DAB1: variants seen among roughly 807,000 people sequenced by gnomAD.
The protein encoded by DAB1 is DAB adaptor protein 1, also known as disabled homolog 1.
A neutral mutation model predicts 64.6 loss-of-function variants in DAB1; 15 were observed. That is an observed-to-expected ratio of 0.23 (90% confidence interval 0.16 to 0.36). The LOEUF (loss-of-function observed/expected upper bound fraction) is 0.36. DAB1 is among the 10% of genes least tolerant of loss of function. DAB1 has a pLI of 1.00. For missense variants in DAB1, 596 were observed against 706.7 expected (o/e 0.84, Z 1.78); for synonymous variants, 235 against 251.9 (o/e 0.93, Z 0.64).
intron 6 of DAB1, among the ~76,000 whole-genome samples, chr1:57,805,409 C>T (rs1327664420): frequency 6.6e-6 from 1 of 152,098 alleles, no homozygotes; most frequent in African/African-American, 2.4e-5. Flanking sequence ...TATATGAATC[C>T]CTCACATTTG....
At chr1:58,240,282 T>G (rs1402309137) in intron 4 of DAB1, among the ~76,000 whole-genome samples, 1 of 152,204 alleles carries the variant, frequency 6.6e-6, no homozygotes, top group East Asian at 1.9e-4. Context: ...AAAATAAAAT[T>G]ACAGGTGCAA....
intron 4 of DAB1, among the ~76,000 whole-genome samples, chr1:58,200,438 T>C (rs763546048): frequency 1.0e-4 from 15 of 148,638 alleles, no homozygotes; most frequent in Non-Finnish European, 2.2e-4. Context: ...GTTTAGCTAG[T>C]TTTTTGCCTT....
intron 7 of DAB1, among the ~76,000 whole-genome samples, chr1:57,443,184 C>T (rs1456849442): frequency 1.3e-5 from 2 of 152,322 alleles, no homozygotes; most frequent in East Asian, 3.9e-4. Context: ...CTTACTCCAT[C>T]AATCACAATG....
chr1:58,219,972 C>T (rs1659072200), intron 4 of DAB1, among the ~76,000 whole-genome samples: 1 of 152,220 alleles, frequency 6.6e-6, no homozygotes, highest in South Asian at 2.1e-4. Context: ...ATAAATGATC[C>T]TCAGTTTCCT....
chr1:58,341,291 C>T (rs1051438977), intron 4 of DAB1, among the ~76,000 whole-genome samples: 1 of 152,128 alleles, frequency 6.6e-6, no homozygotes, highest in South Asian at 2.1e-4. Context: ...TGCTCTGAAG[C>T]CGTAACAGGA....
intron 2 of DAB1, among the ~76,000 whole-genome samples, chr1:57,162,303 T>C (rs915499773): frequency 6.6e-6 from 1 of 152,156 alleles, no homozygotes; most frequent in African/African-American, 2.4e-5. Context: ...TTTGTATAAT[T>C]TGGATTACAA....
intron 4 of DAB1, among the ~76,000 whole-genome samples, chr1:58,245,409 T>G (rs1660484227): frequency 1.3e-5 from 2 of 152,202 alleles, no homozygotes; most frequent in South Asian, 4.2e-4. Context: ...TGTGCCTCTG[T>G]TTTTCATCTG....
chr1:57,836,142 T>A (rs1053521875), intron 1 of DAB1, among the ~76,000 whole-genome samples: 2 of 152,216 alleles, frequency 1.3e-5, no homozygotes, highest in African/African-American at 4.8e-5. Context: ...CTACTGCACT[T>A]GATGTCTAAT....
downstream of DAB1, among the ~76,000 whole-genome samples, chr1:57,825,617 G>A (rs1381930919): frequency 6.6e-6 from 1 of 152,234 alleles, no homozygotes; most frequent in African/African-American, 2.4e-5. Context: ...AGACTGGACA[G>A]ACCCTTTATT....
chr1:58,165,297 C>T (rs1035805836), intron 4 of DAB1, among the ~76,000 whole-genome samples: 1 of 152,166 alleles, frequency 6.6e-6, no homozygotes, highest in Non-Finnish European at 1.5e-5. Context: ...GTGCCTGGCC[C>T]GGAGGGATGT....
intron 6 of DAB1, among the ~76,000 whole-genome samples, chr1:57,704,048 TGAGAGGAGG>T (rs1167063507): frequency 6.6e-6 from 1 of 151,562 alleles, no homozygotes; most frequent in African/African-American, 2.4e-5. Context: ...GGGTGGAGGG[TGAGAGGAGG>T]GAGAGGATCA....
At chr1:57,795,690 G>GATTATATATAT (rs1270547155) in intron 6 of DAB1, among the ~76,000 whole-genome samples, 6 of 69,098 alleles carry the variant, frequency 8.7e-5, no homozygotes, top group African/African-American at 3.3e-4. Flanking sequence ...TATGCTTGGA[G>GATTATATATAT]ATATATATAT....
chr1:57,678,528 C>A (rs1199297806), intron 6 of DAB1, among the ~76,000 whole-genome samples: 1 of 152,052 alleles, frequency 6.6e-6, no homozygotes, highest in Non-Finnish European at 1.5e-5. Flanking sequence ...CACTTAACAT[C>A]ATAAAGGCTA....
At chr1:57,722,649 T>C (rs1011661921) in intron 6 of DAB1, among the ~76,000 whole-genome samples, 2 of 152,192 alleles carry the variant, frequency 1.3e-5, no homozygotes, top group African/African-American at 2.4e-5. Flanking sequence ...TAATACATAA[T>C]ATCTTTGCAT....
chr1:57,399,021 C>A (rs955624737), intron 1 of DAB1, among the ~76,000 whole-genome samples: 1 of 152,214 alleles, frequency 6.6e-6, no homozygotes, highest in Non-Finnish European at 1.5e-5. Flanking sequence ...CTTTTCACAG[C>A]TCTTCCTTCC....
intron 5 of DAB1, chr1:58,056,030 G>A (rs1342960829): frequency 6.2e-6 from 5 of 809,622 alleles, no homozygotes; most frequent in Non-Finnish European, 8.2e-6. Context: ...GAGCCACCGT[G>A]CCTGGCCTCA....
chr1:57,672,376 C>A (rs544393603), intron 6 of DAB1, among the ~76,000 whole-genome samples: 10 of 152,134 alleles, frequency 6.6e-5, no homozygotes, highest in Admixed American at 1.3e-4. Flanking sequence ...AAAAGACCAA[C>A]TAATCTAGCT....
chr1:57,521,814 A>C (rs1644530155), intron 7 of DAB1, among the ~76,000 whole-genome samples: 1 of 152,186 alleles, frequency 6.6e-6, no homozygotes, highest in African/African-American at 2.4e-5. Context: ...TATCAAAGAG[A>C]AAAGAGCCCA....
Position 57,062,949 on chromosome 1 carries a change from G to A in DAB1, c.664-6C>T. The A allele has an allele frequency of 6.2e-7, 1 of 1,613,812 alleles. No individual in the cohort carries two copies. The highest frequency in any genetic ancestry group is 8.5e-7 in the Non-Finnish European group (1 of 1,179,742). On this transcript the variant is annotated splice_region_variant and splice_polypyrimidine_tract_variant and intron_variant, in intron 8 of 14. Coordinates refer to ENST00000371236, the MANE Select transcript of DAB1 (RefSeq NM_001365792.1). The stretch of plus-strand genomic sequence containing the variant: ...TTCTTTTGGCTGGTGGGAACCTATG[G>A]AAAAATTAAATTCAGCACAGTCAAA...
Sources: allele counts gnomAD v4.1 joint callset (sites outside exome capture counted in the v4.1 genomes callset), GRCh38; gene constraint gnomAD v4.1.1; transcripts MANE v1.5; gene names NCBI Gene and HGNC (gene_info 2026-07-23, HGNC 2026-07-21).